Variants in FAM110B observed in about 807,000 individuals in gnomAD.
The protein encoded by FAM110B is family with sequence similarity 110 member B.
A neutral mutation model predicts 20.4 loss-of-function variants in FAM110B; 6 were observed. The observed-to-expected ratio is 0.29, with a 90% confidence interval of 0.16 to 0.58. The LOEUF (loss-of-function observed/expected upper bound fraction) is 0.58, where lower values mean the gene tolerates loss of function less well. Ranked by LOEUF, FAM110B falls within the 20% of genes least tolerant of loss-of-function variation. The pLI is 0.90. For missense variants in FAM110B, 434 were observed against 498.2 expected (o/e 0.87, Z 1.23); for synonymous variants, 226 against 214.1 (o/e 1.06, Z -0.49).
At chr8:58,140,070 T>A (rs1364547954) in intron 3 of FAM110B, among the ~76,000 whole-genome samples, 4 of 152,268 alleles carry the variant, frequency 2.6e-5, no homozygotes, top group African/African-American at 7.2e-5. Context: ...ACTGTAGTTG[T>A]AGTTCTGTTT....
In FAM110B at chr8:58,146,768, C is replaced by T; in HGVS notation, c.538C>T (p.His180Tyr). 1 of 1,611,622 alleles carries T rather than the reference C, an allele frequency of 6.2e-7. No homozygotes were observed. Among genetic ancestry groups the T allele is most frequent in the South Asian group, 1.1e-5 (1 of 90,860 alleles). The stretch of plus-strand genomic sequence containing the variant: ...CAGGAGCCCGCAGGAGGGCGGCTCC[C>T]ACGTGGGCAGGAGACTGCTGGAGCA... ...GRRSPQEGGS[H>Y]VGRRLLEQSA... Residue 180 changes from histidine (H) to tyrosine (Y), a missense_variant, in exon 4 of 4, where the codon CAC becomes TAC. Coordinates refer to ENST00000519262, the MANE Select transcript of FAM110B (RefSeq NM_001377989.1).
chr8:58,081,128 AC>A (rs1464635653), intron 3 of FAM110B, among the ~76,000 whole-genome samples: 1 of 152,152 alleles, frequency 6.6e-6, no homozygotes, highest in Admixed American at 6.5e-5. Flanking sequence ...CAACCCCATT[AC>A]TGACTTAGCC....
chr8:58,005,289 A>G (rs1395620022), intron 1 of FAM110B, among the ~76,000 whole-genome samples: 2 of 152,142 alleles, frequency 1.3e-5, no homozygotes, highest in African/African-American at 4.8e-5. Flanking sequence ...GAACACATAC[A>G]TTTATTGGTT....
intron 3 of FAM110B, among the ~76,000 whole-genome samples, chr8:58,122,990 C>G (rs1807400364): frequency 2.0e-5 from 3 of 152,192 alleles, no homozygotes; most frequent in African/African-American, 7.2e-5. Context: ...TAGGGCTGAT[C>G]AGTTTCTTCA....
chr8:58,030,560 T>A (rs1585825071), intron 1 of FAM110B, among the ~76,000 whole-genome samples: 1 of 108,902 alleles, frequency 9.2e-6, no homozygotes, highest in African/African-American at 4.4e-5. Context: ...TAGATCTTAA[T>A]GAAGTAGTTT....
intron 3 of FAM110B, among the ~76,000 whole-genome samples, chr8:58,140,929 T>A (rs895375165): frequency 6.6e-6 from 1 of 152,248 alleles, no homozygotes; most frequent in Non-Finnish European, 1.5e-5. Context: ...ATCTTTTTTT[T>A]AAGTTCAGGA....
chr8:58,012,030 G>A (rs984361692), intron 1 of FAM110B, among the ~76,000 whole-genome samples: 4 of 152,096 alleles, frequency 2.6e-5, no homozygotes, highest in Non-Finnish European at 2.9e-5. Flanking sequence ...TGAGGACCTC[G>A]TGCATTACTG....
rs369918926 is a variant in FAM110B, at chr8:58,108,009, A to G, written c.-325+32386A>G. Among the ~76,000 whole-genome samples, 65 of 152,316 alleles carry G rather than the reference A, an allele frequency of 4.3e-4. 1 individual carries two copies. The South Asian group carries it at 0.013, about 31-fold the overall frequency. On this transcript the variant is annotated intron_variant, in intron 3 of 3. Transcript: ENST00000519262. ...AATTTTTTACTAATGTAACGTCCCAATCCATTGTGTAGCAGAGAAGCTAGT... is the reference window on the plus strand; with the variant it reads ...AATTTTTTACTAATGTAACGTCCCAGTCCATTGTGTAGCAGAGAAGCTAGT...
intron 1 of FAM110B, among the ~76,000 whole-genome samples, chr8:57,996,365 T>A (rs1804185483): frequency 6.6e-6 from 1 of 152,244 alleles, no homozygotes; most frequent in South Asian, 2.1e-4. Context: ...TGTTATTTTC[T>A]GTTTGGAAAA....
chr8:58,124,792 G>A (rs1285880849), intron 3 of FAM110B, among the ~76,000 whole-genome samples: 1 of 152,130 alleles, frequency 6.6e-6, no homozygotes, highest in Non-Finnish European at 1.5e-5. Flanking sequence ...ATTCATGAAG[G>A]AGACTTAGGA....
chr8:58,082,517 TTAGTC>T (rs1806223978), intron 3 of FAM110B, among the ~76,000 whole-genome samples: 1 of 152,226 alleles, frequency 6.6e-6, no homozygotes, highest in Non-Finnish European at 1.5e-5. Flanking sequence ...TGTACATTCT[TTAGTC>T]TATGAGGACA....
chr8:58,123,090 C>T (rs1563377937), intron 3 of FAM110B, among the ~76,000 whole-genome samples: 1 of 152,156 alleles, frequency 6.6e-6, no homozygotes, highest in Admixed American at 6.5e-5. Flanking sequence ...AAAGGTCCCA[C>T]CCTTTGAAGG....
intron 2 of FAM110B, among the ~76,000 whole-genome samples, chr8:58,056,132 T>C (rs1393054110): frequency 2.0e-5 from 3 of 152,220 alleles, no homozygotes; most frequent in African/African-American, 7.2e-5. Flanking sequence ...ACTACAGTGG[T>C]GGAGTTGAGA....
intron 2 of FAM110B, among the ~76,000 whole-genome samples, chr8:58,075,271 T>TGGTGTGTGTGTGTGTGTGTGTGTGTG (rs1554521060): frequency 8.9e-5 from 12 of 134,724 alleles, no homozygotes; most frequent in African/African-American, 4.5e-4. Flanking sequence ...GCTTTTTTTT[T>TGGTGTGTGTGTGTGTGTGTGTGTGTG]TTTTTGTGTG....
chr8:58,097,913 C>T (rs1806673920), intron 3 of FAM110B, among the ~76,000 whole-genome samples: 1 of 152,208 alleles, frequency 6.6e-6, no homozygotes, highest in African/African-American at 2.4e-5. Context: ...AAGATTGCTG[C>T]CTGTTCCTTT....
chr8:58,146,127 C>T lies in FAM110B; in HGVS notation c.-104C>T. ...GCTGCTGCTGACACTCGCTCCCAGG[C>T]TGCACCCGCCGCCCTTGGCGCTTCA... On this transcript the variant is annotated 5_prime_UTR_variant, in exon 4 of 4. Coordinates refer to ENST00000519262, the MANE Select transcript of FAM110B (RefSeq NM_001377989.1). 7.3e-7 allele frequency: 1 copy of T among 1,377,140 alleles called. No homozygotes were observed. Among genetic ancestry groups the T allele is most frequent in the South Asian group, 1.5e-5 (1 of 67,332 alleles). The allele number at this position is 1,377,140 out of a possible 1,614,324, so 85.3% of individuals were successfully genotyped here. A position where few individuals can be genotyped will look rare whatever the true frequency, so the allele number is the denominator to read the frequency against.
intron 3 of FAM110B, among the ~76,000 whole-genome samples, chr8:58,142,992 T>C (rs1585922114): frequency 6.6e-6 from 1 of 152,178 alleles, no homozygotes; most frequent in Non-Finnish European, 1.5e-5. Context: ...TAGAGTATCA[T>C]GTGCCACAGT....
At chr8:58,054,283 A>G (rs571169587) in intron 2 of FAM110B, among the ~76,000 whole-genome samples, 1 of 152,322 alleles carries the variant, frequency 6.6e-6, no homozygotes, top group South Asian at 2.1e-4. Context: ...ATATGAAACC[A>G]CAAGATACCA....
chr8:58,038,093 T>G (rs1418073984), intron 2 of FAM110B, among the ~76,000 whole-genome samples: 1 of 152,232 alleles, frequency 6.6e-6, no homozygotes, highest in East Asian at 1.9e-4. Context: ...CTTCGAAAGA[T>G]ACGACTGGGA....
Sources: allele counts gnomAD v4.1 joint callset (sites outside exome capture counted in the v4.1 genomes callset), GRCh38; gene constraint gnomAD v4.1.1; transcripts MANE v1.5; gene names NCBI Gene and HGNC (gene_info 2026-07-23, HGNC 2026-07-21).